Variants in ADCY10 observed in about 807,000 individuals in gnomAD.
ADCY10 encodes adenylate cyclase 10.
In ADCY10, 156 loss-of-function variants were observed where a neutral mutation model predicts 183.3. That is an observed-to-expected ratio of 0.85 (90% CI 0.75 to 0.97). The LOEUF is 0.97. Ranked by LOEUF, ADCY10 falls within the 50% of genes least tolerant of loss-of-function variation. The probability of loss-of-function intolerance (pLI) is 0.00; values close to 1 mark genes in which losing one functional copy is unlikely to be tolerated. For missense variants in ADCY10, 1,745 were observed against 1,934.3 expected (o/e 0.90, Z 1.84); for synonymous variants, 645 against 670.0 (o/e 0.96, Z 0.58).
rs573477497 is a variant in ADCY10, at chr1:167,886,037, G to A, written c.829-2409C>T. On this transcript the variant is annotated intron_variant, in intron 8 of 32. Coordinates refer to ENST00000367851, the MANE Select transcript of ADCY10 (RefSeq NM_018417.6). Reference sequence around the variant, plus strand: ...GGAGAACTACAAACCACTGCTCAACGAAGTAAAAGAGGACACAAACAAATG... The same window carrying A: ...GGAGAACTACAAACCACTGCTCAACAAAGTAAAAGAGGACACAAACAAATG... 3.9e-4 allele frequency among the ~76,000 whole-genome samples: 60 copies of A among 152,252 alleles called. 1 individual carries two copies. Among genetic ancestry groups the A allele is most frequent in the African/African-American group, 1.2e-3 (50 of 41,544 alleles).
chr1:167,902,795 G>C (rs995100474), intron 3 of ADCY10, among the ~76,000 whole-genome samples: 1 of 152,196 alleles, frequency 6.6e-6, no homozygotes, highest in Non-Finnish European at 1.5e-5. Flanking sequence ...AAACAAGATG[G>C]CAGGCAGAGG....
chr1:167,904,045 C>T, intron 2 of ADCY10, 54 bp from the exon 3 acceptor site: 1 of 1,221,952 alleles, frequency 8.2e-7, no homozygotes, highest in Non-Finnish European at 1.2e-6. Context: ...TCAAACAGAG[C>T]CAGAAGAGGA....
At chr1:167,908,297 G>A (rs7513226) in intron 1 of ADCY10, among the ~76,000 whole-genome samples, 3,211 of 152,134 alleles carry the variant, frequency 0.021, 100 homozygotes, top group African/African-American at 0.069. Flanking sequence ...GAAATAAGCC[G>A]GCCACAGAAA....
chr1:167,859,293 T>C (rs1298395464), intron 16 of ADCY10, among the ~76,000 whole-genome samples: 1 of 152,218 alleles, frequency 6.6e-6, no homozygotes, highest in African/African-American at 2.4e-5. Flanking sequence ...GAGCTAACAC[T>C]TGTTGAGTGT....
Position 167,819,913 on chromosome 1 carries a change from G to A in ADCY10, c.4287-1646C>T, listed in dbSNP as rs1409157538. On this transcript the variant is annotated intron_variant, in intron 30 of 32. Transcript: ENST00000367851. ...TAAAGCCAAATCGGATCAACAGTAG[G>A]CAAAACATCTTCTCCAGGCCATCAA... 18 of 1,013,094 alleles carry A rather than the reference G, an allele frequency of 1.8e-5. No homozygotes were observed. In the Admixed American group the frequency reaches 2.6e-4, roughly 15 times the overall value. The allele number at this position is 1,013,094 out of a possible 1,614,324, so 62.8% of individuals were successfully genotyped here. A position where few individuals can be genotyped will look rare whatever the true frequency, so the allele number is the denominator to read the frequency against.
intron 21 of ADCY10, among the ~76,000 whole-genome samples, chr1:167,838,463 C>A (rs1664384694): frequency 1.3e-5 from 2 of 152,232 alleles, no homozygotes; most frequent in Admixed American, 1.3e-4. Context: ...GCATTTAATA[C>A]AAGTGACCAC....
chr1:167,880,669 C>A (rs1667814966), intron 9 of ADCY10, 60 bp from the exon 10 acceptor site: 3 of 1,303,550 alleles, frequency 2.3e-6, no homozygotes, highest in Non-Finnish European at 3.3e-6. Context: ...ACTGGACTGG[C>A]CAGAAGGCTC....
chr1:167,856,231 GGCTGT>G lies in ADCY10; in HGVS notation c.2100_2104del (p.Gln701Ter). Reference sequence around the variant, plus strand: ...ACAGATCTTGTTGGAGATGTCGTTAGGCTGTACTGCACCAATGACAATGTAGGTGG... The same window carrying G: ...ACAGATCTTGTTGGAGATGTCGTTAGACTGCACCAATGACAATGTAGGTGG... On this transcript the variant is annotated frameshift_variant, in exon 17 of 33. Coordinates refer to ENST00000367851, the MANE Select transcript of ADCY10 (RefSeq NM_018417.6). LOFTEE classifies it high-confidence loss of function. 1 of 1,613,898 alleles carries G rather than the reference GGCTGT, an allele frequency of 6.2e-7. No homozygotes were observed. Among genetic ancestry groups the G allele is most frequent in the Non-Finnish European group, 8.5e-7 (1 of 1,179,846 alleles).
chr1:167,862,455 C>T (rs1666354432), intron 14 of ADCY10, among the ~76,000 whole-genome samples: 2 of 152,134 alleles, frequency 1.3e-5, no homozygotes, highest in Non-Finnish European at 2.9e-5. Flanking sequence ...AGATGGCCAG[C>T]AACCACCAGA....
chr1:167,829,909 T>G (rs1663585567), intron 25 of ADCY10, among the ~76,000 whole-genome samples: 1 of 152,174 alleles, frequency 6.6e-6, no homozygotes, highest in African/African-American at 2.4e-5. Context: ...TTTTCTCCAT[T>G]GCACACTGCT....
chr1:167,874,036 T>TA (rs1335654353), intron 13 of ADCY10, among the ~76,000 whole-genome samples: 1 of 152,090 alleles, frequency 6.6e-6, no homozygotes, highest in Non-Finnish European at 1.5e-5. Flanking sequence ...ACAGGTACTT[T>TA]AAAAAAATGT....
At chr1:167,810,994 T>C in intron 31 of ADCY10, 81 bp from the exon 32 acceptor site, 1 of 1,328,500 alleles carries the variant, frequency 7.5e-7, no homozygotes, top group Non-Finnish European at 1.1e-6. Context: ...ACAGATGATT[T>C]GGGAACATTT....
chr1:167,901,405 C>T (rs1669413113), intron 5 of ADCY10, among the ~76,000 whole-genome samples: 1 of 152,058 alleles, frequency 6.6e-6, no homozygotes, highest in Non-Finnish European at 1.5e-5. Context: ...TTGGGTGGTT[C>T]CTATGCATTA....
intron 13 of ADCY10, among the ~76,000 whole-genome samples, chr1:167,872,531 C>A (rs546152062): frequency 7.9e-5 from 12 of 151,968 alleles, no homozygotes; most frequent in Non-Finnish European, 1.6e-4. Context: ...TAAGCAAAGC[C>A]TCAATATCGG....
intron 19 of ADCY10, among the ~76,000 whole-genome samples, chr1:167,847,092 A>AT (rs1204280262): frequency 4.0e-5 from 6 of 151,764 alleles, no homozygotes; most frequent in Non-Finnish European, 7.4e-5. Context: ...TGCCCGGCTA[A>AT]TTTTTTGTGT....
intron 14 of ADCY10, among the ~76,000 whole-genome samples, chr1:167,866,292 G>A (rs554077090): frequency 3.3e-5 from 5 of 152,238 alleles, no homozygotes; most frequent in South Asian, 4.1e-4. Flanking sequence ...CGACTCTCAC[G>A]TCCATTTAGA....
rs191028155 is a variant in ADCY10 at position 167,815,018 on chromosome 1, G to A, written c.4482+3054C>T. On this transcript the variant is annotated intron_variant, in intron 31 of 32. Coordinates refer to ENST00000367851, the MANE Select transcript of ADCY10 (RefSeq NM_018417.6). ...CGGGTGCCTGTAATCCCAGCTACTC[G>A]GGAGGCTGAGGCACGAGAATCACTT... Among the ~76,000 whole-genome samples, 11 of 152,084 alleles carry A rather than the reference G, an allele frequency of 7.2e-5. 1 individual carries two copies. In the East Asian group the frequency reaches 9.7e-4, roughly 13 times the overall value.
chr1:167,890,257 A>G (rs1353195661), intron 8 of ADCY10, among the ~76,000 whole-genome samples: 2 of 152,236 alleles, frequency 1.3e-5, no homozygotes, highest in Non-Finnish European at 2.9e-5. Context: ...AGCCATATCT[A>G]TATTACAGAG....
chr1:167,878,705 T>C (rs1041299102), intron 11 of ADCY10, 70 bp from the exon 12 acceptor site: 17 of 1,493,564 alleles, frequency 1.1e-5, no homozygotes, highest in Non-Finnish European at 1.6e-5. Flanking sequence ...ATCTGAAACA[T>C]TGTCCCCAAA....
Sources: gnomAD v4.1 joint callset for allele counts (sites outside exome capture counted in the v4.1 genomes callset) on GRCh38, gnomAD v4.1.1 for gene constraint, MANE v1.5 for transcripts, NCBI Gene and HGNC (gene_info 2026-07-23, HGNC 2026-07-21) for gene names.